DENND1A: variants seen among roughly 807,000 people sequenced by gnomAD.
DENND1A encodes DENN domain-containing protein 1A.
Under a neutral mutation model 113.7 loss-of-function variants are expected in DENND1A, and 51 were observed. The observed-to-expected ratio is 0.45, with a 90% CI of 0.36 to 0.57. The LOEUF (loss-of-function observed/expected upper bound fraction) is 0.57. Among genes scored for constraint, DENND1A ranks in the 20% least tolerant of loss-of-function variants. The pLI, the probability that DENND1A is intolerant of heterozygous loss-of-function variation, is 0.00. For synonymous variants in DENND1A, 565 were observed against 570.8 expected (o/e 0.99, Z 0.14); for missense variants, 1,258 against 1,395.9 (o/e 0.90, Z 1.57).
chr9:123,564,877 C>T lies in DENND1A; in HGVS notation c.868-7182G>A, dbSNP rs143021547. ...CCTCTGTTGAACTGCTGAGGCTAGA[C>T]GAAGGTTCCCCTATTATACATTCTC... On this transcript the variant is annotated intron_variant, in intron 12 of 23. Transcript: ENST00000394215. 4.1e-3 allele frequency among the ~76,000 whole-genome samples: 624 copies of T among 151,880 alleles called. 24 individuals are homozygous for T. The highest frequency in any genetic ancestry group is 0.036 in the Admixed American group (555 of 15,254).
intron 13 of DENND1A, among the ~76,000 whole-genome samples, chr9:123,553,606 T>A (rs1204301131): frequency 1.3e-5 from 2 of 152,166 alleles, no homozygotes; most frequent in Non-Finnish European, 2.9e-5. Context: ...GCATATCTCA[T>A]CTGCCTAGAA....
intron 5 of DENND1A, among the ~76,000 whole-genome samples, chr9:123,717,996 T>C (rs1783664342): frequency 6.6e-6 from 1 of 152,250 alleles, no homozygotes; most frequent in African/African-American, 2.4e-5. Context: ...GAAGTCACAG[T>C]CAGCTCCTGT....
intron 2 of DENND1A, among the ~76,000 whole-genome samples, chr9:123,805,592 C>A (rs1478470374): frequency 6.6e-6 from 1 of 151,982 alleles, no homozygotes; most frequent in Admixed American, 6.5e-5. Flanking sequence ...TGCCACCATG[C>A]CCAGCTAATT....
At chr9:123,646,532 T>G (rs1425118732) in intron 9 of DENND1A, among the ~76,000 whole-genome samples, 1 of 152,058 alleles carries the variant, frequency 6.6e-6, no homozygotes, top group East Asian at 1.9e-4. Flanking sequence ...CTGGAGTAAT[T>G]TCCTTGAAGG....
At chr9:123,616,057 G>A (rs1328232202) in intron 10 of DENND1A, among the ~76,000 whole-genome samples, 1 of 152,132 alleles carries the variant, frequency 6.6e-6, no homozygotes, top group South Asian at 2.1e-4. Context: ...AGTCCCTCGA[G>A]TTGCTAGGAT....
chr9:123,433,985 C>T (rs940490107), intron 19 of DENND1A, among the ~76,000 whole-genome samples: 11 of 152,180 alleles, frequency 7.2e-5, no homozygotes, highest in African/African-American at 1.9e-4. Flanking sequence ...TAAAATGAGA[C>T]GGGATCTAAA....
intron 10 of DENND1A, among the ~76,000 whole-genome samples, chr9:123,629,048 G>A (rs182162758): frequency 1.0e-3 from 156 of 152,332 alleles, no homozygotes; most frequent in African/African-American, 3.5e-3. Context: ...AGCCCAGCAC[G>A]TTCCAATTAG....
At chr9:123,856,979 C>T (rs1013773449) in intron 2 of DENND1A, among the ~76,000 whole-genome samples, 3 of 151,900 alleles carry the variant, frequency 2.0e-5, no homozygotes, top group African/African-American at 7.3e-5. Context: ...ATCGGAAGTA[C>T]TGGTGTGGAC....
intron 13 of DENND1A, among the ~76,000 whole-genome samples, chr9:123,509,461 G>A (rs761061662): frequency 4.6e-5 from 7 of 152,226 alleles, no homozygotes; most frequent in Non-Finnish European, 7.3e-5. Flanking sequence ...TAGGGGTCAC[G>A]TAGCATAGCG....
chr9:123,668,345 G>A (rs1422117051), intron 7 of DENND1A, among the ~76,000 whole-genome samples: 1 of 152,174 alleles, frequency 6.6e-6, no homozygotes, highest in Admixed American at 6.5e-5. Flanking sequence ...GGGGACAATC[G>A]TAATGATGAT....
intron 19 of DENND1A, among the ~76,000 whole-genome samples, chr9:123,419,850 G>A (rs780750273): frequency 2.6e-5 from 4 of 152,186 alleles, no homozygotes; most frequent in South Asian, 2.1e-4. Flanking sequence ...CTCTCTGTCC[G>A]CCCTGGATGA....
At chr9:123,536,674 G>A (rs2135478299) in intron 13 of DENND1A, among the ~76,000 whole-genome samples, 1 of 152,182 alleles carries the variant, frequency 6.6e-6, no homozygotes. Flanking sequence ...CCGAGAAAAT[G>A]CATGAGGACC....
chr9:123,680,166 C>T (rs2064349742), intron 5 of DENND1A, among the ~76,000 whole-genome samples: 1 of 152,156 alleles, frequency 6.6e-6, no homozygotes, highest in Admixed American at 6.5e-5. Context: ...AATCAGAAGA[C>T]AGAGAAAAGC....
intron 13 of DENND1A, among the ~76,000 whole-genome samples, chr9:123,524,725 G>C (rs1442359793): frequency 6.6e-6 from 1 of 152,218 alleles, no homozygotes; most frequent in Admixed American, 6.5e-5. Flanking sequence ...AGGCTGGGCA[G>C]TAACAGTTGA....
chr9:123,907,482 A>C (rs1588185000), intron 1 of DENND1A, among the ~76,000 whole-genome samples: 3 of 147,948 alleles, frequency 2.0e-5, no homozygotes, highest in South Asian at 4.3e-4. Flanking sequence ...TAAGCTGATA[A>C]GCAACTTCAG....
rs1265814430 is a variant in DENND1A at position 123,432,046 on chromosome 9, T to A, written c.1488+8314A>T. Among the ~76,000 whole-genome samples the A allele has an allele frequency of 5.9e-5, 9 of 152,302 alleles. No individual in the cohort carries two copies. The East Asian group carries it at 1.5e-3, about 26-fold the overall frequency. On this transcript the variant is annotated intron_variant, in intron 19 of 23. Coordinates refer to ENST00000394215, the MANE Select transcript of DENND1A (RefSeq NM_001352964.2). ...CTGACATTTCTCAGTTCTTCCATGG[T>A]ACATCAGGAGCCCTGGCCTCACCGT...
intron 2 of DENND1A, among the ~76,000 whole-genome samples, chr9:123,854,666 G>A (rs1238364169): frequency 6.6e-6 from 1 of 150,926 alleles, no homozygotes; most frequent in East Asian, 1.9e-4. Flanking sequence ...TTGCACTCCA[G>A]CCTGGGTGAC....
At chr9:123,760,317 C>T (rs1223635193) in intron 4 of DENND1A, among the ~76,000 whole-genome samples, 1 of 152,126 alleles carries the variant, frequency 6.6e-6, no homozygotes, top group Non-Finnish European at 1.5e-5. Flanking sequence ...TATACAGCCA[C>T]ATAAATAATT....
intron 13 of DENND1A, among the ~76,000 whole-genome samples, chr9:123,501,799 G>C (rs1205324787): frequency 2.0e-5 from 3 of 152,210 alleles, no homozygotes; most frequent in South Asian, 2.1e-4. Context: ...GTGAAAAGGA[G>C]AGATGGGCCT....
Sources: allele counts gnomAD v4.1 joint callset (sites outside exome capture counted in the v4.1 genomes callset), GRCh38; gene constraint gnomAD v4.1.1; transcripts MANE v1.5; gene names NCBI Gene and HGNC (gene_info 2026-07-23, HGNC 2026-07-21).